NUMB: variants seen among roughly 807,000 people sequenced by gnomAD.
The protein encoded by NUMB is NUMB endocytic adaptor protein.
NUMB carries 29 observed loss-of-function variants against 59.7 expected under a neutral mutation model. The observed-to-expected ratio is 0.49, with a 90% CI of 0.36 to 0.66. The LOEUF is 0.66. NUMB is among the 30% of genes least tolerant of loss of function. The probability of loss-of-function intolerance (pLI) is 0.00; values close to 1 mark genes in which losing one functional copy is unlikely to be tolerated. For missense variants in NUMB, 723 were observed against 822.0 expected (o/e 0.88, Z 1.47); for synonymous variants, 288 against 288.2 (o/e 1.00, Z 0.01).
intron 1 of NUMB, among the ~76,000 whole-genome samples, chr14:73,429,152 G>A (rs1015299859): frequency 2.0e-4 from 31 of 151,394 alleles, no homozygotes; most frequent in African/African-American, 3.4e-4. Flanking sequence ...CGGGCGGATC[G>A]CGAGGTCAGG....
chr14:73,422,351 T>C (rs1897385384), intron 1 of NUMB, among the ~76,000 whole-genome samples: 1 of 152,110 alleles, frequency 6.6e-6, no homozygotes, highest in Non-Finnish European at 1.5e-5. Flanking sequence ...AGCAGTACTA[T>C]CCTTGTGGAG....
chr14:73,424,367 G>T (rs1344740865), intron 1 of NUMB, among the ~76,000 whole-genome samples: 1 of 152,044 alleles, frequency 6.6e-6, no homozygotes, highest in African/African-American at 2.4e-5. Context: ...TTCTGACAAC[G>T]AATTAACATA....
intron 2 of NUMB, among the ~76,000 whole-genome samples, chr14:73,382,585 A>C (rs980824377): frequency 2.0e-5 from 3 of 152,184 alleles, no homozygotes; most frequent in Non-Finnish European, 2.9e-5. Flanking sequence ...CTTGAAGTGG[A>C]AACTAGATTT....
At chr14:73,353,873 G>GA (rs940710377) in intron 4 of NUMB, among the ~76,000 whole-genome samples, 8 of 149,814 alleles carry the variant, frequency 5.3e-5, no homozygotes, top group Non-Finnish European at 1.0e-4. Flanking sequence ...GGAGATAACA[G>GA]AAAAAAAAAG....
At chr14:73,424,820 G>A (rs369019091) in intron 1 of NUMB, among the ~76,000 whole-genome samples, 4 of 152,274 alleles carry the variant, frequency 2.6e-5, no homozygotes, top group Admixed American at 6.5e-5. Context: ...TTAACTGACC[G>A]TTCTGATTTA....
At chr14:73,433,099 C>G (rs544899927) in intron 1 of NUMB, among the ~76,000 whole-genome samples, 1 of 151,642 alleles carries the variant, frequency 6.6e-6, no homozygotes, top group Admixed American at 6.6e-5. Flanking sequence ...CCCAGCTACT[C>G]GGGAGGCTGA....
intron 2 of NUMB, among the ~76,000 whole-genome samples, chr14:73,371,454 A>T (rs554827430): frequency 1.3e-5 from 2 of 152,048 alleles, no homozygotes; most frequent in Admixed American, 1.3e-4. Flanking sequence ...GGAATCACTT[A>T]AACCCGGGAG....
intron 2 of NUMB, among the ~76,000 whole-genome samples, chr14:73,375,191 A>T (rs1322864835): frequency 6.6e-6 from 1 of 152,180 alleles, no homozygotes; most frequent in East Asian, 1.9e-4. Context: ...AGTTGTCCTA[A>T]ATCATATCAG....
intron 1 of NUMB, among the ~76,000 whole-genome samples, chr14:73,424,821 T>C (rs1245044341): frequency 6.6e-6 from 1 of 152,240 alleles, no homozygotes; most frequent in Non-Finnish European, 1.5e-5. Flanking sequence ...TAACTGACCG[T>C]TCTGATTTAT....
chr14:73,291,079 GT>G (rs1889358346), intron 8 of NUMB, among the ~76,000 whole-genome samples: 1 of 150,042 alleles, frequency 6.7e-6, no homozygotes, highest in Non-Finnish European at 1.5e-5. Context: ...TTTAGTTTTT[GT>G]TTTTTGTTTT....
intron 2 of NUMB, among the ~76,000 whole-genome samples, chr14:73,403,145 G>C (rs777956747): frequency 6.6e-6 from 1 of 152,198 alleles, no homozygotes; most frequent in Non-Finnish European, 1.5e-5. Context: ...CTTTTCCTTG[G>C]CATAGTCTTT....
chr14:73,359,507 T>C (rs1426760630), intron 3 of NUMB, among the ~76,000 whole-genome samples: 1 of 152,208 alleles, frequency 6.6e-6, no homozygotes, highest in Non-Finnish European at 1.5e-5. Flanking sequence ...TAATTTTGCT[T>C]TGATATAGCA....
intron 6 of NUMB, among the ~76,000 whole-genome samples, chr14:73,314,108 TTAC>T (rs1229505557): frequency 6.6e-6 from 1 of 152,184 alleles, no homozygotes; most frequent in Non-Finnish European, 1.5e-5. Context: ...TAAAGTTAAA[TTAC>T]TACTCTATAA....
chr14:73,365,701 T>C (rs1894314451), intron 3 of NUMB, among the ~76,000 whole-genome samples: 1 of 152,246 alleles, frequency 6.6e-6, no homozygotes, highest in African/African-American at 2.4e-5. Context: ...TGAATTTTTG[T>C]ATAATTTTGC....
chr14:73,390,829 A>G (rs1269610749), intron 2 of NUMB, among the ~76,000 whole-genome samples: 1 of 150,968 alleles, frequency 6.6e-6, no homozygotes, highest in Non-Finnish European at 1.5e-5. Flanking sequence ...TTGAATTTTT[A>G]GTAGAGACGG....
chr14:73,349,645 C>T (rs754433728), intron 4 of NUMB, among the ~76,000 whole-genome samples: 3 of 151,020 alleles, frequency 2.0e-5, no homozygotes, highest in Non-Finnish European at 4.4e-5. Flanking sequence ...TTTGGGAGGC[C>T]GAGACGGGTG....
intron 1 of NUMB, among the ~76,000 whole-genome samples, chr14:73,418,203 T>A (rs1897210545): frequency 6.6e-6 from 1 of 152,158 alleles, no homozygotes; most frequent in African/African-American, 2.4e-5. Flanking sequence ...CCTTGAAAAT[T>A]GTGCTAAGTG....
chr14:73,303,253 A>C (rs746252527), intron 6 of NUMB, among the ~76,000 whole-genome samples: 1 of 151,514 alleles, frequency 6.6e-6, no homozygotes, highest in Non-Finnish European at 1.5e-5. Context: ...AAGAATTTAC[A>C]TACATCTTAG....
chr14:73,364,572 T>C (rs1196486998), intron 3 of NUMB, among the ~76,000 whole-genome samples: 1 of 152,022 alleles, frequency 6.6e-6, no homozygotes, highest in Non-Finnish European at 1.5e-5. Flanking sequence ...CAAACCTTAG[T>C]CATAATAGTG....
Sources: gnomAD v4.1 joint callset for allele counts (sites outside exome capture counted in the v4.1 genomes callset) on GRCh38, gnomAD v4.1.1 for gene constraint, MANE v1.5 for transcripts, NCBI Gene and HGNC (gene_info 2026-07-23, HGNC 2026-07-21) for gene names.